GDAP1: variants seen among roughly 807,000 people sequenced by gnomAD.
GDAP1 encodes ganglioside induced differentiation associated protein 1, also known as ganglioside-induced differentiation-associated protein 1.
GDAP1 carries 34 observed loss-of-function variants against 40.1 expected under a neutral mutation model. That is an observed-to-expected ratio of 0.85 (90% confidence interval 0.64 to 1.13). GDAP1 has a LOEUF of 1.13. Ranked by LOEUF, GDAP1 falls within the 50% of genes most tolerant of loss-of-function variation. GDAP1 has a pLI of 0.00. For missense variants in GDAP1, 374 were observed against 433.7 expected, an observed-to-expected ratio of 0.86 and a Z score of 1.22; for synonymous variants, 170 against 157.4, an observed-to-expected ratio of 1.08 and a Z score of -0.60.
chr8:74,428,464 GTTTTGTT>G, intron 2 of GDAP1, among the ~76,000 whole-genome samples: 1 of 148,804 alleles, frequency 6.7e-6, no homozygotes, highest in South Asian at 2.1e-4. Flanking sequence ...TTTCTTGATT[GTTTTGTT>G]TTTTTTTTTT....
intron 2 of GDAP1, 69 bp downstream of exon 2, chr8:74,351,535 T>C (rs1808875749): frequency 8.9e-7 from 1 of 1,118,764 alleles, no homozygotes; most frequent in Admixed American, 1.7e-5. Flanking sequence ...CTTTCTCTTT[T>C]TCTCTCTCTC....
intron 2 of GDAP1, among the ~76,000 whole-genome samples, chr8:74,389,646 A>T (rs1195429613): frequency 6.6e-6 from 1 of 152,022 alleles, no homozygotes; most frequent in Non-Finnish European, 1.5e-5. Context: ...TCTGATGATT[A>T]TGTGTCTTGG....
At chr8:74,384,592 A>G (rs1157624501) in intron 2 of GDAP1, among the ~76,000 whole-genome samples, 2 of 152,210 alleles carry the variant, frequency 1.3e-5, no homozygotes, top group Admixed American at 1.3e-4. Flanking sequence ...ATTTTCTGTG[A>G]ACCACACATG....
At chr8:74,373,881 T>C (rs1438841922) in intron 2 of GDAP1, among the ~76,000 whole-genome samples, 2 of 152,178 alleles carry the variant, frequency 1.3e-5, no homozygotes, top group African/African-American at 2.4e-5. Flanking sequence ...CAGTATGATA[T>C]TGGCTGTGGG....
chr8:74,360,993 C>T (rs1176445561), intron 3 of GDAP1, among the ~76,000 whole-genome samples: 7 of 152,144 alleles, frequency 4.6e-5, no homozygotes, highest in African/African-American at 1.7e-4. Context: ...TTATGTGATA[C>T]TCACCTTTAT....
chr8:74,438,861 C>A (rs1806125230), intron 2 of GDAP1, among the ~76,000 whole-genome samples: 1 of 152,150 alleles, frequency 6.6e-6, no homozygotes, highest in African/African-American at 2.4e-5. Context: ...CTCAGCTTCC[C>A]AAAGTGTTAA....
intron 2 of GDAP1, among the ~76,000 whole-genome samples, chr8:74,464,255 C>T (rs1806438944): frequency 6.6e-6 from 1 of 152,178 alleles, no homozygotes; most frequent in Non-Finnish European, 1.5e-5. Flanking sequence ...GTCCAAAATA[C>T]AGTGCCAATA....
At chr8:74,425,185 C>G (rs1340258955) in intron 2 of GDAP1, among the ~76,000 whole-genome samples, 2 of 152,200 alleles carry the variant, frequency 1.3e-5, no homozygotes, top group Non-Finnish European at 2.9e-5. Flanking sequence ...ACAAATTGAA[C>G]AACACATTGC....
At chr8:74,351,099 T>G (rs1214569269) in intron 1 of GDAP1, among the ~76,000 whole-genome samples, 175 bp from the exon 2 acceptor site, 2 of 152,200 alleles carry the variant, frequency 1.3e-5, no homozygotes, top group East Asian at 3.9e-4. Flanking sequence ...CTTCTCTTAA[T>G]TTGTTGAGTA....
At chr8:74,442,799 T>C (rs964128111) in intron 2 of GDAP1, among the ~76,000 whole-genome samples, 5 of 152,120 alleles carry the variant, frequency 3.3e-5, no homozygotes, top group Admixed American at 1.3e-4. Context: ...TACAAACACA[T>C]GGAGTCAAAG....
At chr8:74,400,429 T>G (rs1388103780) in intron 2 of GDAP1, among the ~76,000 whole-genome samples, 1 of 149,726 alleles carries the variant, frequency 6.7e-6, no homozygotes, top group Non-Finnish European at 1.5e-5. Context: ...ATCCTTTTAT[T>G]TTGAGTCTAT....
At chr8:74,408,620 A>G (rs1333653504) in intron 2 of GDAP1, among the ~76,000 whole-genome samples, 2 of 150,036 alleles carry the variant, frequency 1.3e-5, no homozygotes, top group Non-Finnish European at 2.9e-5. Context: ...GTCAGCCTCC[A>G]GAACTATGAG....
chr8:74,412,533 T>A (rs940491184), intron 2 of GDAP1, among the ~76,000 whole-genome samples: 1 of 150,124 alleles, frequency 6.7e-6, no homozygotes, highest in African/African-American at 2.5e-5. Context: ...AAAATTACAG[T>A]TAAACTGCCA....
intron 4 of GDAP1, among the ~76,000 whole-genome samples, chr8:74,362,308 G>A (rs1444020700): frequency 1.3e-5 from 2 of 152,116 alleles, no homozygotes; most frequent in Non-Finnish European, 2.9e-5. Context: ...ATCCCTCCAT[G>A]TGTCGCCCTG....
At chr8:74,382,376 GT>G (rs5892456) in intron 2 of GDAP1, among the ~76,000 whole-genome samples, 37,713 of 141,864 alleles carry the variant, frequency 0.27, 5,601 homozygotes, top group Non-Finnish European at 0.34. Flanking sequence ...ATTGCTAGTG[GT>G]TTTTTTTTTT....
At chr8:74,439,762 C>G (rs1806138257) in intron 2 of GDAP1, among the ~76,000 whole-genome samples, 1 of 151,928 alleles carries the variant, frequency 6.6e-6, no homozygotes. Flanking sequence ...TCCATTATCA[C>G]TCTCTTTAAA....
chr8:74,389,289 G>T, intron 2 of GDAP1, among the ~76,000 whole-genome samples: 1 of 152,012 alleles, frequency 6.6e-6, no homozygotes, highest in East Asian at 1.9e-4. Flanking sequence ...TTTACATTTT[G>T]GTATATTTTT....
intron 2 of GDAP1, among the ~76,000 whole-genome samples, chr8:74,388,341 C>T (rs1199789153): frequency 6.6e-6 from 1 of 152,064 alleles, no homozygotes; most frequent in Non-Finnish European, 1.5e-5. Context: ...CTTCTAAACA[C>T]TGCTTTAGCT....
intron 2 of GDAP1, among the ~76,000 whole-genome samples, chr8:74,463,358 T>A (rs1158610860): frequency 6.7e-6 from 1 of 149,028 alleles, no homozygotes; most frequent in Non-Finnish European, 1.5e-5. Context: ...CTCAGAAGGG[T>A]GATATATGAG....
Sources: allele counts gnomAD v4.1 joint callset (sites outside exome capture counted in the v4.1 genomes callset), GRCh38; gene constraint gnomAD v4.1.1; transcripts MANE v1.5; gene names NCBI Gene and HGNC (gene_info 2026-07-23, HGNC 2026-07-21).